NCALD: variants seen among roughly 807,000 people sequenced by gnomAD.
NCALD encodes neurocalcin delta, also known as neurocalcin-delta.
NCALD carries 10 observed loss-of-function variants against 18.6 expected under a neutral mutation model. The observed-to-expected ratio is 0.54, with a 90% CI of 0.33 to 0.91. NCALD has a LOEUF of 0.91. NCALD is among the 40% of genes least tolerant of loss of function. The pLI is 0.03. For synonymous variants in NCALD, 88 were observed against 87.4 expected, an observed-to-expected ratio of 1.01 and a Z score of -0.04; for missense variants, 184 against 247.6, an observed-to-expected ratio of 0.74 and a Z score of 1.72.
intron 1 of NCALD, among the ~76,000 whole-genome samples, chr8:101,728,700 G>C (rs1242424430): frequency 1.3e-5 from 2 of 152,172 alleles, no homozygotes; most frequent in African/African-American, 2.4e-5. Context: ...CCTGCCTGTA[G>C]TCCCAGCTCC....
At chr8:101,690,182 G>A (rs111570079) in intron 3 of NCALD, 3 of 821,792 alleles carry the variant, frequency 3.7e-6, no homozygotes, top group East Asian at 2.6e-4. Context: ...AGGAAGGCCT[G>A]TCACTTGTGG....
intron 2 of NCALD, among the ~76,000 whole-genome samples, chr8:101,696,549 T>G (rs193168513): frequency 6.6e-6 from 1 of 152,188 alleles, no homozygotes; most frequent in East Asian, 1.9e-4. Flanking sequence ...CAACAGAGTG[T>G]GGGGGCGTTC....
intron 2 of NCALD, among the ~76,000 whole-genome samples, chr8:101,708,552 G>A (rs1486920665): frequency 6.6e-6 from 1 of 152,198 alleles, no homozygotes; most frequent in Non-Finnish European, 1.5e-5. Flanking sequence ...AACAATTATT[G>A]AGTGATAGCC....
At chr8:102,103,097 G>C (rs1017981494) in intron 1 of NCALD, among the ~76,000 whole-genome samples, 6 of 152,092 alleles carry the variant, frequency 3.9e-5, no homozygotes, top group African/African-American at 1.4e-4. Context: ...AGATGAGTAA[G>C]GGGAGACTCT....
At chr8:101,787,372 T>C (rs1405318090) in intron 1 of NCALD, among the ~76,000 whole-genome samples, 3 of 152,182 alleles carry the variant, frequency 2.0e-5, no homozygotes, top group Non-Finnish European at 4.4e-5. Flanking sequence ...CGAAGACAAA[T>C]TGCTAAGCTT....
At chr8:102,114,604 G>A (rs1554600215) in intron 1 of NCALD, among the ~76,000 whole-genome samples, 3 of 152,174 alleles carry the variant, frequency 2.0e-5, no homozygotes, top group Non-Finnish European at 4.4e-5. Context: ...AGCTGCAGGC[G>A]CTGTGGTCTT....
intron 2 of NCALD, among the ~76,000 whole-genome samples, chr8:101,974,436 C>G (rs1820350979): frequency 6.6e-6 from 1 of 152,092 alleles, no homozygotes; most frequent in Non-Finnish European, 1.5e-5. Context: ...AATTCTGGAG[C>G]CACCCCATGT....
chr8:101,701,667 C>T (rs554989423), intron 2 of NCALD, among the ~76,000 whole-genome samples: 2 of 152,296 alleles, frequency 1.3e-5, no homozygotes, highest in African/African-American at 4.8e-5. Context: ...TAACTGAGGG[C>T]AGGCAAAATT....
At chr8:102,001,937 G>C (rs1283876243) in intron 2 of NCALD, among the ~76,000 whole-genome samples, 2 of 152,228 alleles carry the variant, frequency 1.3e-5, no homozygotes, top group Non-Finnish European at 2.9e-5. Flanking sequence ...AAATTGTAAA[G>C]ACCATAGAGG....
intron 4 of NCALD, among the ~76,000 whole-genome samples, chr8:101,829,816 G>C (rs1814094041): frequency 6.6e-6 from 1 of 152,022 alleles, no homozygotes; most frequent in African/African-American, 2.4e-5. Context: ...TCTCATCCTT[G>C]ATTCTTCAGA....
intron 3 of NCALD, among the ~76,000 whole-genome samples, chr8:101,908,063 G>T (rs1817668601): frequency 6.6e-6 from 1 of 152,108 alleles, no homozygotes; most frequent in South Asian, 2.1e-4. Flanking sequence ...GATCAATCTT[G>T]TAAACAGCAG....
At chr8:101,717,875 T>C (rs1453602706) in intron 2 of NCALD, among the ~76,000 whole-genome samples, 3 of 152,220 alleles carry the variant, frequency 2.0e-5, no homozygotes, top group African/African-American at 7.2e-5. Flanking sequence ...AGCATAAGAA[T>C]GTGGCAGAAT....
At chr8:101,822,202 T>C (rs1813749988) in intron 4 of NCALD, among the ~76,000 whole-genome samples, 1 of 152,234 alleles carries the variant, frequency 6.6e-6, no homozygotes, top group South Asian at 2.1e-4. Context: ...TCGATTTTTG[T>C]AGTCATAGTC....
intron 2 of NCALD, among the ~76,000 whole-genome samples, chr8:101,918,596 T>A (rs942231536): frequency 2.0e-5 from 3 of 152,116 alleles, no homozygotes; most frequent in Non-Finnish European, 4.4e-5. Context: ...CCCTAAAGAC[T>A]CTGTCCAAAG....
intron 1 of NCALD, among the ~76,000 whole-genome samples, chr8:102,083,353 C>G (rs1306693494): frequency 6.6e-6 from 1 of 152,112 alleles, no homozygotes; most frequent in Non-Finnish European, 1.5e-5. Flanking sequence ...TCTAGAACAC[C>G]CTATAAGCCT....
At chr8:102,001,525 A>C (rs1821465922) in intron 2 of NCALD, among the ~76,000 whole-genome samples, 1 of 152,204 alleles carries the variant, frequency 6.6e-6, no homozygotes, top group Non-Finnish European at 1.5e-5. Context: ...AATACAGAGA[A>C]TGCCACAAAG....
intron 2 of NCALD, among the ~76,000 whole-genome samples, chr8:101,994,786 T>C (rs1052278569): frequency 6.6e-6 from 1 of 152,266 alleles, no homozygotes; most frequent in South Asian, 2.1e-4. Flanking sequence ...AGGTCTACTT[T>C]GGAGCTTATA....
chr8:102,075,124 T>C (rs146579443), intron 1 of NCALD, among the ~76,000 whole-genome samples: 3 of 152,304 alleles, frequency 2.0e-5, no homozygotes, highest in Non-Finnish European at 2.9e-5. Flanking sequence ...AGAAACTGAA[T>C]ATTTAACGGG....
chr8:101,884,961 G>A lies in NCALD; in HGVS notation c.-20+2180C>T, dbSNP rs760272274. 2.6e-4 allele frequency among the ~76,000 whole-genome samples: 39 copies of A among 152,304 alleles called. No individual in the cohort carries two copies. In the Middle Eastern group the frequency reaches 0.017, roughly 66 times the overall value. The stretch of plus-strand genomic sequence containing the variant: ...TTGACAAAATCAATGTTTTTTGACA[G>A]AGGGGAATTTGTGGGACATTGAAAA... On this transcript the variant is annotated intron_variant, in intron 4 of 6. Transcript: ENST00000311028.
Sources: gnomAD v4.1 joint callset for allele counts (sites outside exome capture counted in the v4.1 genomes callset) on GRCh38, gnomAD v4.1.1 for gene constraint, MANE v1.5 for transcripts, NCBI Gene and HGNC (gene_info 2026-07-23, HGNC 2026-07-21) for gene names.